Variants in NEGR1 observed in about 807,000 individuals in gnomAD.
The protein encoded by NEGR1 is IgLON family member 4.
In NEGR1, 10 loss-of-function variants were observed where a neutral mutation model predicts 40.9. That is an observed-to-expected ratio of 0.24 (90% CI 0.15 to 0.42). NEGR1 has a LOEUF of 0.42. NEGR1 is among the 10% of genes least tolerant of loss of function. The pLI is 1.00. For missense variants in NEGR1, 352 were observed against 438.9 expected (o/e 0.80, Z 1.77); for synonymous variants, 185 against 166.8 (o/e 1.11, Z -0.84).
chr1:71,430,252 G>C (rs748543685), intron 6 of NEGR1, among the ~76,000 whole-genome samples: 1 of 152,028 alleles, frequency 6.6e-6, no homozygotes, highest in Non-Finnish European at 1.5e-5. Flanking sequence ...TTCTGCTCTT[G>C]GCTCTATGGT....
At chr1:71,833,480 A>T (rs750593022) in intron 2 of NEGR1, among the ~76,000 whole-genome samples, 2 of 152,110 alleles carry the variant, frequency 1.3e-5, no homozygotes, top group Non-Finnish European at 2.9e-5. Flanking sequence ...TACAGAGAGA[A>T]TCTTTCTGGG....
At chr1:72,161,058 C>T (rs1360646819) in intron 1 of NEGR1, among the ~76,000 whole-genome samples, 1 of 152,084 alleles carries the variant, frequency 6.6e-6, no homozygotes, top group Non-Finnish European at 1.5e-5. Context: ...TATGTTATCA[C>T]TTTGAGCAGT....
At chr1:71,675,086 T>C (rs1292181265) in intron 4 of NEGR1, among the ~76,000 whole-genome samples, 2 of 135,428 alleles carry the variant, frequency 1.5e-5, no homozygotes, top group Non-Finnish European at 3.2e-5. Flanking sequence ...GATCTATATA[T>C]GCAATATATA....
At chr1:71,815,016 C>T (rs972783322) in intron 2 of NEGR1, among the ~76,000 whole-genome samples, 2 of 152,034 alleles carry the variant, frequency 1.3e-5, no homozygotes, top group Non-Finnish European at 2.9e-5. Context: ...AGTTTGAGAT[C>T]TTTCTAGCTT....
At chr1:72,029,956 C>T (rs958775814) in intron 1 of NEGR1, among the ~76,000 whole-genome samples, 2 of 151,820 alleles carry the variant, frequency 1.3e-5, no homozygotes, top group Non-Finnish European at 2.9e-5. Context: ...TAAACATGCT[C>T]TAAAAATTGT....
chr1:72,151,366 T>C (rs775286692), intron 1 of NEGR1, among the ~76,000 whole-genome samples: 16 of 151,656 alleles, frequency 1.1e-4, no homozygotes, highest in Admixed American at 3.9e-4. Context: ...AACGGAGATA[T>C]AATGTTTTTT....
intron 2 of NEGR1, among the ~76,000 whole-genome samples, chr1:71,922,535 T>C (rs1645730836): frequency 6.6e-6 from 1 of 152,236 alleles, no homozygotes; most frequent in Admixed American, 6.5e-5. Context: ...TGTTATATCC[T>C]TTTCACATAG....
At chr1:71,785,549 G>A (rs1252740589) in intron 2 of NEGR1, among the ~76,000 whole-genome samples, 1 of 151,992 alleles carries the variant, frequency 6.6e-6, no homozygotes. Flanking sequence ...ATTAAGGAAA[G>A]CAAGTACCTT....
At chr1:71,871,147 T>A (rs1026451385) in intron 2 of NEGR1, among the ~76,000 whole-genome samples, 5 of 152,306 alleles carry the variant, frequency 3.3e-5, no homozygotes, top group African/African-American at 9.6e-5. Context: ...CTATTTATCA[T>A]CAACGTTTCA....
intron 1 of NEGR1, among the ~76,000 whole-genome samples, chr1:72,225,791 G>T (rs1654172633): frequency 1.3e-5 from 2 of 151,600 alleles, no homozygotes; most frequent in African/African-American, 4.8e-5. Context: ...GACAGAAAGA[G>T]AAATCAAATT....
In NEGR1 at chr1:71,545,386, T is replaced by C. The variant is rs534398896; in HGVS notation, c.940+47431A>G. ...TAGGTTTGGTAGGCAAGAAATGCTC[T>C]CCTGAACTTTCCTAGATTGGAGGTG... On this transcript the variant is annotated intron_variant, in intron 6 of 6. Coordinates refer to ENST00000357731, the MANE Select transcript of NEGR1 (RefSeq NM_173808.3). Among the ~76,000 whole-genome samples, 6 of 151,814 alleles carry C rather than the reference T, an allele frequency of 4.0e-5. No homozygotes were observed. The South Asian group carries it at 1.2e-3, about 31-fold the overall frequency.
chr1:71,416,236 G>C (rs1330544283), intron 6 of NEGR1, among the ~76,000 whole-genome samples: 1 of 152,134 alleles, frequency 6.6e-6, no homozygotes, highest in Non-Finnish European at 1.5e-5. Context: ...GGGTATGTGG[G>C]TGTGAAATTA....
intron 4 of NEGR1, among the ~76,000 whole-genome samples, chr1:71,651,409 A>G (rs1651713098): frequency 1.3e-5 from 2 of 152,156 alleles, no homozygotes; most frequent in Admixed American, 1.3e-4. Flanking sequence ...GATATCCAGC[A>G]CACGGGATTG....
At chr1:71,447,901 AT>A (rs1440699993) in intron 6 of NEGR1, among the ~76,000 whole-genome samples, 1 of 152,208 alleles carries the variant, frequency 6.6e-6, no homozygotes, top group Non-Finnish European at 1.5e-5. Flanking sequence ...TATCATGGAA[AT>A]TATTTCTCCT....
At chr1:71,858,345 C>G (rs1467562951) in intron 2 of NEGR1, among the ~76,000 whole-genome samples, 1 of 152,014 alleles carries the variant, frequency 6.6e-6, no homozygotes, top group African/African-American at 2.4e-5. Flanking sequence ...GTTTTAAAAG[C>G]CACTATGGTT....
intron 6 of NEGR1, among the ~76,000 whole-genome samples, chr1:71,500,942 T>G (rs900301746): frequency 3.3e-5 from 5 of 152,090 alleles, no homozygotes; most frequent in Admixed American, 6.6e-5. Context: ...TGGGGTTTAT[T>G]GACTCCACGA....
chr1:71,960,627 A>C (rs923467220), intron 1 of NEGR1, among the ~76,000 whole-genome samples: 1 of 152,066 alleles, frequency 6.6e-6, no homozygotes, highest in African/African-American at 2.4e-5. Context: ...AGGTTTTTTC[A>C]TTTCTTGTAT....
intron 4 of NEGR1, among the ~76,000 whole-genome samples, chr1:71,641,434 A>AAATGCATG (rs1350286450): frequency 1.3e-5 from 2 of 152,088 alleles, no homozygotes. Flanking sequence ...AAAAACACAC[A>AAATGCATG]AATGCATGAA....
chr1:71,925,178 C>T (rs1379624509), intron 2 of NEGR1, among the ~76,000 whole-genome samples: 3 of 152,116 alleles, frequency 2.0e-5, no homozygotes, highest in African/African-American at 7.2e-5. Flanking sequence ...TGTTCATAAG[C>T]CTGTGCTCAT....
Sources: gnomAD v4.1 joint callset for allele counts (sites outside exome capture counted in the v4.1 genomes callset) on GRCh38, gnomAD v4.1.1 for gene constraint, MANE v1.5 for transcripts, NCBI Gene and HGNC (gene_info 2026-07-23, HGNC 2026-07-21) for gene names.